HMCN2: variants seen among roughly 807,000 people sequenced by gnomAD.
HMCN2 encodes the protein hemicentin 2, also known as hemicentin-2.
In HMCN2, 325 loss-of-function variants were observed where a neutral mutation model predicts 377.5. The observed-to-expected ratio is 0.86, with a 90% CI of 0.79 to 0.94. The LOEUF is 0.94. Among genes scored for constraint, HMCN2 ranks in the 40% least tolerant of loss-of-function variants. HMCN2 has a pLI of 0.00. For synonymous variants in HMCN2, 2,007 were observed against 2,046.8 expected, an observed-to-expected ratio of 0.98 and a Z score of 0.53; for missense variants, 4,543 against 4,725.3, an observed-to-expected ratio of 0.96 and a Z score of 1.13.
At chr9:130,391,785 C>T in intron 65 of HMCN2, 150 bp from the exon 66 acceptor site, 1 of 509,800 alleles carries the variant, frequency 2.0e-6, no homozygotes, top group Non-Finnish European at 2.5e-6. Context: ...GTGGCTGTGT[C>T]CCCCATGCAG....
At chr9:130,370,866 T>G in intron 45 of HMCN2, 98 bp from the exon 46 acceptor site, 1 of 696,776 alleles carries the variant, frequency 1.4e-6, no homozygotes, top group African/African-American at 1.9e-5. Context: ...ACTCTCCCAA[T>G]TGGGTGGAGT....
At chr9:130,410,475 C>G in intron 84 of HMCN2, 96 bp from the exon 85 acceptor site, 1 of 1,154,184 alleles carries the variant, frequency 8.7e-7, no homozygotes. Context: ...GCCTAAGCCC[C>G]TTGCTGGCTG....
At chr9:130,344,425 C>A (rs1839230466) in intron 25 of HMCN2, among the ~76,000 whole-genome samples, 1 of 145,594 alleles carries the variant, frequency 6.9e-6, no homozygotes, top group South Asian at 2.2e-4. Flanking sequence ...TGTATGTGTT[C>A]TGTGTGTGTG....
At chr9:130,307,998 C>G (rs149306679) in intron 14 of HMCN2, among the ~76,000 whole-genome samples, 72 of 151,898 alleles carry the variant, frequency 4.7e-4, no homozygotes, top group African/African-American at 1.6e-3. Flanking sequence ...ACTTTGTCAC[C>G]CAGGCTGGTG....
intron 8 of HMCN2, among the ~76,000 whole-genome samples, chr9:130,302,625 C>T (rs118117426): frequency 0.024 from 3,710 of 152,286 alleles, 54 homozygotes; most frequent in Non-Finnish European, 0.032. Context: ...CATGAGTTCC[C>T]CATGTACCAC....
In HMCN2 at chr9:130,422,300, C is replaced by A. The variant is rs1350592309; in HGVS notation, c.13232-277C>A. Among the ~76,000 whole-genome samples the A allele has an allele frequency of 6.6e-6, 1 of 152,188 alleles. No homozygotes were observed. The highest frequency in any genetic ancestry group is 2.4e-5 in the African/African-American group (1 of 41,460). ...AGCCAACTCAGGTGTGGCTTGGGGG[C>A]CTGAGGTGGCCAGGTTTTAAGGAAT... On this transcript the variant is annotated intron_variant, in intron 86 of 97. Transcript: ENST00000683500. The surrounding 1 kb of genome is among the most constrained non-coding windows in gnomAD (Gnocchi z 4.2).
At position 130,301,956 on chromosome 9, in the gene HMCN2, G is replaced by C. The variant is rs150981422; in HGVS notation, c.1277-901G>C. Among the ~76,000 whole-genome samples the C allele has an allele frequency of 1.3e-3, 195 of 152,316 alleles. 2 individuals carry two copies. The highest frequency in any genetic ancestry group is 4.4e-3 in the African/African-American group (184 of 41,562). ...CTCGGGCCAGGGAGGGGTCCCATGGGGCTCATTACAAGCTATGAGATTTTA... is the reference window on the plus strand; with the variant it reads ...CTCGGGCCAGGGAGGGGTCCCATGGCGCTCATTACAAGCTATGAGATTTTA... On this transcript the variant is annotated intron_variant, in intron 8 of 97. Coordinates refer to ENST00000683500, the MANE Select transcript of HMCN2 (RefSeq NM_001291815.2).
intron 23 of HMCN2, among the ~76,000 whole-genome samples, chr9:130,340,529 T>C (rs1372560240): frequency 1.4e-4 from 21 of 151,856 alleles, no homozygotes; most frequent in Middle Eastern, 3.4e-3. Context: ...GCTTTTTTTT[T>C]TTTTTTCTTA....
Position 130,385,619 on chromosome 9 carries a change from G to A in HMCN2, c.9166G>A (p.Gly3056Arg), listed in dbSNP as rs753963998. The change falls in exon 60 of 98, where the codon GGG becomes AGG. Residue 3056 changes from glycine to arginine, a missense_variant. By Grantham distance (125) the Gly-to-Arg change is moderately radical. Around this residue, in one of 5 missense-constraint regions of HMCN2, gnomAD observed 736 missense variants for 773.2 expected, o/e 0.95. Transcript: ENST00000683500. ...GPQDAVLVRV[G>R]DKAVLSCETD... ...CCAGGATGCGGTCCTGGTGAGGGTC[G>A]GGGACAAAGCTGTCCTGAGCTGCGA... is the stretch of plus-strand genomic sequence containing the variant. 1.6e-5 allele frequency: 21 copies of A among 1,304,036 alleles called. No homozygotes were observed. In the Middle Eastern group the frequency reaches 1.3e-3, roughly 79 times the overall value. 80.8% of individuals were successfully genotyped at this position (1,304,036 alleles called of 1,614,324 possible). A position where few individuals can be genotyped will look rare whatever the true frequency, so the allele number is the denominator to read the frequency against.
rs1012978322 is a variant in HMCN2, at chr9:130,375,648, C to T, written c.7716C>T (p.Cys2572=). 9 of 985,772 alleles carry T rather than the reference C, an allele frequency of 9.1e-6. No homozygotes were observed. The highest frequency in any genetic ancestry group is 4.7e-5 in the South Asian group (1 of 21,294). The allele number at this position is 985,772 out of a possible 1,614,324, so 61.1% of individuals were successfully genotyped here. A position where few individuals can be genotyped will look rare whatever the true frequency, so the allele number is the denominator to read the frequency against. The part of the protein sequence containing the change: ...VTVNNPISLI[C]EALAFPSPNI... Reference sequence around the variant, plus strand: ...TCAACAACCCCATCTCTCTGATCTGCGAGGCCCTGGCCTTCCCTTCCCCCA... The same window carrying T: ...TCAACAACCCCATCTCTCTGATCTGTGAGGCCCTGGCCTTCCCTTCCCCCA... The change falls in exon 50 of 98, where the codon TGC becomes TGT. Residue 2572 remains cysteine, a synonymous_variant. Coordinates refer to ENST00000683500, the MANE Select transcript of HMCN2 (RefSeq NM_001291815.2).
chr9:130,377,146 C>T (rs1358611143), intron 52 of HMCN2, among the ~76,000 whole-genome samples: 1 of 151,790 alleles, frequency 6.6e-6, no homozygotes, highest in East Asian at 1.9e-4. Flanking sequence ...CAGAGTCTCG[C>T]TCTGTCACCC....
chr9:130,282,920 A>T (rs189305610), intron 1 of HMCN2, among the ~76,000 whole-genome samples: 1 of 152,042 alleles, frequency 6.6e-6, no homozygotes, highest in Admixed American at 6.5e-5. Context: ...AAAATACAAA[A>T]ATTTGCTGGG....
chr9:130,271,073 A>C (rs1834382817), intron 1 of HMCN2, among the ~76,000 whole-genome samples: 3 of 148,488 alleles, frequency 2.0e-5, no homozygotes, highest in Admixed American at 1.3e-4. Context: ...TTCCAGTTAG[A>C]CTGGGTAATG....
intron 4 of HMCN2, among the ~76,000 whole-genome samples, chr9:130,287,458 C>A (rs975721570): frequency 2.0e-5 from 3 of 149,322 alleles, no homozygotes; most frequent in Non-Finnish European, 4.4e-5. Context: ...AATATTAAGT[C>A]TCCTATTGCT....
In HMCN2 at chr9:130,303,049, C is replaced by T. The variant is rs782216456; in HGVS notation, c.1421+48C>T. 2.8e-4 allele frequency: 122 copies of T among 442,268 alleles called. No individual in the cohort carries two copies. Among genetic ancestry groups the T allele is most frequent in the Non-Finnish European group, 4.9e-4 (104 of 212,256 alleles). The allele number at this position is 442,268 out of a possible 1,614,324, so 27.4% of individuals were successfully genotyped here. A position where few individuals can be genotyped will look rare whatever the true frequency, so the allele number is the denominator to read the frequency against. ...TTGTCCCCAGCCACAGGGCTCCTGG[C>T]TGCTGAGGCCCTGGAGGGATCTCAG... On this transcript the variant is annotated intron_variant, in intron 9 of 97. Coordinates refer to ENST00000683500, the MANE Select transcript of HMCN2 (RefSeq NM_001291815.2). This position sits in a 1 kb window ranked among gnomAD's most constrained non-coding sequence, Gnocchi z 5.2.
rs529252341 is a variant in HMCN2 at position 130,384,226 on chromosome 9, T to C, written c.8831-147T>C. Reference sequence around the variant, plus strand: ...AGTGTCCTTCTGTGTAAGAGAGTCATGGCAAATGGAGGTTTCTGAATTATT... The same window carrying C: ...AGTGTCCTTCTGTGTAAGAGAGTCACGGCAAATGGAGGTTTCTGAATTATT... On this transcript the variant is annotated intron_variant, in intron 57 of 97. Coordinates refer to ENST00000683500, the MANE Select transcript of HMCN2 (RefSeq NM_001291815.2). 429 of 571,838 alleles carry C rather than the reference T, an allele frequency of 7.5e-4. 6 individuals are homozygous for C. The African/African-American group carries it at 8.1e-3, about 11-fold the overall frequency. The allele number at this position is 571,838 out of a possible 1,614,324, so 35.4% of individuals were successfully genotyped here. A position where few individuals can be genotyped will look rare whatever the true frequency, so the allele number is the denominator to read the frequency against.
chr9:130,307,440 C>T lies in HMCN2; in HGVS notation c.2087-13C>T, dbSNP rs1357072000. On this transcript the variant is annotated splice_polypyrimidine_tract_variant and intron_variant, in intron 13 of 97. Coordinates refer to ENST00000683500, the MANE Select transcript of HMCN2 (RefSeq NM_001291815.2). The stretch of plus-strand genomic sequence containing the variant: ...AAGGTTGGTCCCAAATTCTGCATCT[C>T]TTCCCCACACAGACCCACCGTCGGT... 1.1e-5 allele frequency: 5 copies of T among 470,770 alleles called. No homozygotes were observed. The highest frequency in any genetic ancestry group is 2.2e-5 in the Non-Finnish European group (5 of 227,060). 29.2% of individuals were successfully genotyped at this position (470,770 alleles called of 1,614,324 possible).
chr9:130,378,820 C>T (rs1050056524), intron 53 of HMCN2, among the ~76,000 whole-genome samples: 1 of 152,068 alleles, frequency 6.6e-6, no homozygotes, highest in African/African-American at 2.4e-5. Context: ...GGGGATGACA[C>T]GGCCCCCTCC....
rs189894281 is a variant in HMCN2, at chr9:130,354,221, A to G, written c.4865-542A>G. Among the ~76,000 whole-genome samples, 853 of 152,170 alleles carry G rather than the reference A, an allele frequency of 5.6e-3. 4 individuals carry two copies. The highest frequency in any genetic ancestry group is 0.02 in the African/African-American group (810 of 41,504). ...GCTCAGCAACTTGAGGGTCTCCTTG[A>G]GGGTAGGAGAGAAATTTCCCCTTTG... is the stretch of plus-strand genomic sequence containing the variant. On this transcript the variant is annotated intron_variant, in intron 31 of 97. Transcript: ENST00000683500.
Sources: gnomAD v4.1 joint callset for allele counts (sites outside exome capture counted in the v4.1 genomes callset) on GRCh38, gnomAD v4.1.1 for gene constraint, gnomAD v4.1.1 regional missense constraint, Gnocchi (gnomAD v3.1) non-coding constraint, MANE v1.5 for transcripts, NCBI Gene and HGNC (gene_info 2026-07-23, HGNC 2026-07-21) for gene names.